The following PARL variants were observed in gnomAD, a reference collection of about 807,000 sequenced individuals.
PARL encodes presenilin associated rhomboid like, also known as presenilin-associated rhomboid-like protein, mitochondrial.
A neutral mutation model predicts 51.6 loss-of-function variants in PARL; 44 were observed. The observed-to-expected ratio is 0.85, with a 90% CI of 0.67 to 1.10. PARL has a LOEUF of 1.10. Ranked by LOEUF, PARL falls within the 50% of genes least tolerant of loss-of-function variation. The pLI is 0.00. For missense variants in PARL, 441 were observed against 469.5 expected, an observed-to-expected ratio of 0.94 and a Z score of 0.56; for synonymous variants, 172 against 164.0, an observed-to-expected ratio of 1.05 and a Z score of -0.37.
At chr3:183,829,199 C>A, downstream of PARL, 1 of 271,296 alleles carries the variant, frequency 3.7e-6, no homozygotes. Flanking sequence ...GCAGCCAACC[C>A]AGGGGAGGGG....
At chr3:183,883,358 T>C (rs1577412167) in intron 1 of PARL, among the ~76,000 whole-genome samples, 2 of 152,196 alleles carry the variant, frequency 1.3e-5, no homozygotes, top group East Asian at 1.9e-4. Context: ...AACCTCCGCC[T>C]CCCAGGTTCA....
At chr3:183,827,750 G>A (rs921785043), downstream of PARL, among the ~76,000 whole-genome samples, 3 of 146,166 alleles carry the variant, frequency 2.1e-5, no homozygotes, top group Non-Finnish European at 4.4e-5. Flanking sequence ...TGTGCAGGGC[G>A]GGGGGGTGGT....
chr3:183,835,727 C>T (rs547233450), intron 7 of PARL, among the ~76,000 whole-genome samples: 53 of 151,904 alleles, frequency 3.5e-4, no homozygotes, highest in Admixed American at 1.2e-3. Context: ...ATTAGCCAGA[C>T]GTGGTGGTGG....
Position 183,883,589 on chromosome 3 carries a change from T to C in PARL, c.125+1133A>G, listed in dbSNP as rs2108733022. 3 of 985,068 alleles carry C rather than the reference T, an allele frequency of 3.0e-6. 1 individual carries two copies. The South Asian group carries it at 1.4e-4, about 46-fold the overall frequency. 61.0% of individuals were successfully genotyped at this position (985,068 alleles called of 1,614,324 possible). ...GCCCGGCCAGTATTAATCTTTTCTT[T>C]CCCCCTTAAACCATGCAATCTCAAA... On this transcript the variant is annotated intron_variant, in intron 1 of 9. Coordinates refer to ENST00000317096, the MANE Select transcript of PARL (RefSeq NM_018622.7).
At chr3:183,874,640 T>G (rs1381251164) in intron 1 of PARL, among the ~76,000 whole-genome samples, 1 of 152,040 alleles carries the variant, frequency 6.6e-6, no homozygotes, top group African/African-American at 2.4e-5. Context: ...AACTCAAACC[T>G]CACGTGATCC....
chr3:183,833,780 G>A lies in PARL; in HGVS notation c.874C>T (p.Pro292Ser). The change falls in exon 8 of 10, where the codon CCA (proline) becomes TCA (serine). Residue 292 changes from proline (P) to serine (S), a missense_variant. Pro to Ser is a moderately conservative substitution (Grantham distance 74). Transcript: ENST00000317096. ...AAAATAATGGCAAGCCTCCCTTCTG[G>A]GATCTTAGTGCAGACAGCTGCGAGG... is the stretch of plus-strand genomic sequence containing the variant. ...TVLAAVCTKI[P>S]EGRLAIIFLP... 1.2e-6 allele frequency: 2 copies of A among 1,613,524 alleles called. No homozygotes were observed. Among genetic ancestry groups the A allele is most frequent in the Non-Finnish European group, 1.7e-6 (2 of 1,179,436 alleles).
intron 4 of PARL, among the ~76,000 whole-genome samples, chr3:183,853,650 A>G (rs185989415): frequency 6.6e-4 from 101 of 152,314 alleles, no homozygotes; most frequent in Non-Finnish European, 1.2e-3. Context: ...GATAAAACAA[A>G]TGGCCAACGA....
intron 1 of PARL, among the ~76,000 whole-genome samples, chr3:183,878,574 G>C (rs7633301): frequency 0.8 from 121,601 of 152,110 alleles, 49,430 homozygotes; most frequent in East Asian, 0.96. Context: ...AAATGAGAAT[G>C]TCTAGGAGTG....
At chr3:183,881,531 G>C (rs1734434760) in intron 1 of PARL, among the ~76,000 whole-genome samples, 1 of 152,188 alleles carries the variant, frequency 6.6e-6, no homozygotes, top group Non-Finnish European at 1.5e-5. Flanking sequence ...AAGTAGAAAT[G>C]GCCTAATGTT....
intron 1 of PARL, among the ~76,000 whole-genome samples, chr3:183,882,400 T>TATATAC (rs1734659679): frequency 7.1e-6 from 1 of 141,682 alleles, no homozygotes; most frequent in African/African-American, 2.6e-5. Flanking sequence ...TATGCACATA[T>TATATAC]ACACACACAT....
downstream of PARL, among the ~76,000 whole-genome samples, chr3:183,827,487 G>A (rs1727506086): frequency 6.6e-6 from 1 of 152,112 alleles, no homozygotes; most frequent in South Asian, 2.1e-4. Flanking sequence ...ACAAAGGAAT[G>A]ACAGACATGT....
At chr3:183,828,337 G>C (rs942180088), downstream of PARL, among the ~76,000 whole-genome samples, 1 of 152,186 alleles carries the variant, frequency 6.6e-6, no homozygotes, top group Non-Finnish European at 1.5e-5. Flanking sequence ...TCTGGAAAAC[G>C]CATCTTGCCT....
At chr3:183,866,537 A>T (rs928052267) in intron 3 of PARL, 88 bp downstream of exon 3, 1 of 1,025,630 alleles carries the variant, frequency 9.8e-7, no homozygotes, top group African/African-American at 1.6e-5. Flanking sequence ...TGAATGCATC[A>T]TGTACACTGA....
At chr3:183,881,295 T>A (rs1734410053) in intron 1 of PARL, among the ~76,000 whole-genome samples, 1 of 151,608 alleles carries the variant, frequency 6.6e-6, no homozygotes, top group African/African-American at 2.4e-5. Context: ...CTAATTTTTG[T>A]ATTTTTAGTA....
chr3:183,835,185 G>C (rs1728431151), intron 7 of PARL, among the ~76,000 whole-genome samples: 2 of 145,830 alleles, frequency 1.4e-5, no homozygotes, highest in Admixed American at 6.8e-5. Context: ...AGACACCTAA[G>C]AGCAAAATAA....
intron 1 of PARL, among the ~76,000 whole-genome samples, chr3:183,871,212 A>G (rs1227322359): frequency 1.3e-5 from 2 of 152,212 alleles, no homozygotes; most frequent in Non-Finnish European, 2.9e-5. Flanking sequence ...GTAAGGTAGT[A>G]CTATACTGAA....
intron 1 of PARL, among the ~76,000 whole-genome samples, chr3:183,876,491 T>C (rs1733822549): frequency 6.6e-6 from 1 of 152,002 alleles, no homozygotes; most frequent in South Asian, 2.1e-4. Context: ...ATTGTTTTCA[T>C]GCCTGCTAAC....
chr3:183,875,415 CAAAA>C (rs61316689), intron 1 of PARL, among the ~76,000 whole-genome samples: 1 of 60,150 alleles, frequency 1.7e-5, no homozygotes, highest in African/African-American at 7.2e-5. Flanking sequence ...ACTCTGTCTC[CAAAA>C]AAAAAAAAAA....
intron 1 of PARL, 143 bp from the exon 2 acceptor site, chr3:183,868,203 G>T: frequency 1.5e-6 from 1 of 677,700 alleles, no homozygotes; most frequent in Non-Finnish European, 2.6e-6. Flanking sequence ...CCTACTCTCA[G>T]ACAGAATTCA....
Sources: allele counts gnomAD v4.1 joint callset (sites outside exome capture counted in the v4.1 genomes callset), GRCh38; gene constraint gnomAD v4.1.1; transcripts MANE v1.5; gene names NCBI Gene and HGNC (gene_info 2026-07-23, HGNC 2026-07-21).